The following TMCC3 variants were observed in gnomAD, a reference collection of about 807,000 sequenced individuals.
TMCC3 encodes transmembrane and coiled-coil domain protein 3.
A neutral mutation model predicts 40.2 loss-of-function variants in TMCC3; 28 were observed. That is an observed-to-expected ratio of 0.70 (90% CI 0.52 to 0.95). The LOEUF is 0.95. Ranked by LOEUF, TMCC3 falls within the 40% of genes least tolerant of loss-of-function variation. TMCC3 has a pLI of 0.00. For synonymous variants in TMCC3, 255 were observed against 248.5 expected, an observed-to-expected ratio of 1.03 and a Z score of -0.25; for missense variants, 554 against 615.2, an observed-to-expected ratio of 0.90 and a Z score of 1.05.
At chr12:94,621,447 TCTTATGTCCA>T (rs2068875395) in intron 1 of TMCC3, among the ~76,000 whole-genome samples, 1 of 152,162 alleles carries the variant, frequency 6.6e-6, no homozygotes, top group African/African-American at 2.4e-5. Flanking sequence ...TCCACCCCAT[TCTTATGTCCA>T]AGTAGTTTGA....
intron 1 of TMCC3, among the ~76,000 whole-genome samples, chr12:94,594,198 AAT>A (rs59083165): frequency 0.34 from 48,577 of 144,910 alleles, 8,596 homozygotes; most frequent in African/African-American, 0.4. Flanking sequence ...TTTAAATTTA[AAT>A]ATATATATAT....
chr12:94,636,594 C>T (rs568529782), intron 1 of TMCC3, among the ~76,000 whole-genome samples: 1 of 152,262 alleles, frequency 6.6e-6, no homozygotes, highest in South Asian at 2.1e-4. Context: ...TAATTAAGGC[C>T]CCTAATCAGT....
intron 2 of TMCC3, among the ~76,000 whole-genome samples, chr12:94,581,077 T>C (rs2068598026): frequency 6.6e-6 from 1 of 152,162 alleles, no homozygotes; most frequent in Non-Finnish European, 1.5e-5. Context: ...GGACCAGAAG[T>C]GTTTCAGATT....
At chr12:94,586,345 C>T (rs1456280048) in intron 1 of TMCC3, among the ~76,000 whole-genome samples, 1 of 152,176 alleles carries the variant, frequency 6.6e-6, no homozygotes, top group African/African-American at 2.4e-5. Context: ...CAGAAGCCTC[C>T]CTTGTGCCCT....
At chr12:94,602,901 G>T (rs1179507772) in intron 1 of TMCC3, among the ~76,000 whole-genome samples, 1 of 152,112 alleles carries the variant, frequency 6.6e-6, no homozygotes, top group East Asian at 1.9e-4. Flanking sequence ...TTAGGTCCTC[G>T]TAAAGAAGCA....
Position 94,639,320 on chromosome 12 carries a change from T to C in TMCC3, c.78+11033A>G, listed in dbSNP as rs561049163. On this transcript the variant is annotated intron_variant, in intron 1 of 3. Transcript: ENST00000261226. The stretch of plus-strand genomic sequence containing the variant: ...GATGAGGCCGAGTATGGTGGCTCAC[T>C]CCTATAATCCCAGCACTTTGGGAGG... 2.0e-5 allele frequency among the ~76,000 whole-genome samples: 3 copies of C among 152,244 alleles called. No homozygotes were observed. The South Asian group carries it at 6.2e-4, about 32-fold the overall frequency.
chr12:94,643,719 G>C (rs2069003091), intron 1 of TMCC3, among the ~76,000 whole-genome samples: 1 of 152,224 alleles, frequency 6.6e-6, no homozygotes, highest in Admixed American at 6.5e-5. Context: ...ATTAGGGTAA[G>C]TGCCCAGCAG....
chr12:94,588,224 T>G (rs536720051), intron 1 of TMCC3, among the ~76,000 whole-genome samples: 3 of 152,278 alleles, frequency 2.0e-5, no homozygotes, highest in Admixed American at 1.3e-4. Flanking sequence ...CAGGACACTC[T>G]GTATTAACCC....
Position 94,581,697 on chromosome 12 carries a change from T to A in TMCC3, c.920A>T (p.Asp307Val), listed in dbSNP as rs2068602520. 6.2e-7 allele frequency: 1 copy of A among 1,614,086 alleles called. No individual in the cohort carries two copies. The highest frequency in any genetic ancestry group is 1.3e-5 in the African/African-American group (1 of 74,950). Residue 307 changes from aspartate (D) to valine (V), a missense_variant, in exon 2 of 4, where the codon GAC becomes GTC. Physicochemically the swap from Asp to Val is radical, Grantham distance 152 (BLOSUM62 -3). Coordinates refer to ENST00000261226, the MANE Select transcript of TMCC3 (RefSeq NM_020698.4). ...AAACTGCACCTTCAGTGCCTCGATG[T>A]CCTCAGCCAGCTGAGCTTGGGTATC... Reference protein sequence around the residue: ...IKDTQAQLAEDIEALKVQFKR... With the variant: ...IKDTQAQLAEVIEALKVQFKR...
At chr12:94,638,991 C>T (rs2068975067) in intron 1 of TMCC3, among the ~76,000 whole-genome samples, 1 of 115,020 alleles carries the variant, frequency 8.7e-6, no homozygotes, top group Admixed American at 8.3e-5. Context: ...TTAGGTTCAA[C>T]TTTACTTTAG....
chr12:94,597,306 C>G (rs894142003), intron 1 of TMCC3, among the ~76,000 whole-genome samples: 1 of 151,488 alleles, frequency 6.6e-6, no homozygotes, highest in Non-Finnish European at 1.5e-5. Context: ...CAAAGCCAGA[C>G]TCTGTCTCTA....
rs185438701 is a variant in TMCC3 at position 94,571,194 on chromosome 12, C to A, written c.*241G>T. The A allele has an allele frequency of 4.0e-5, 21 of 522,846 alleles. No homozygotes were observed. The highest frequency in any genetic ancestry group is 9.5e-5 in the African/African-American group (5 of 52,608). 32.4% of individuals were successfully genotyped at this position (522,846 alleles called of 1,614,324 possible). The stretch of plus-strand genomic sequence containing the variant: ...TGGGCTGGTCAGGTGGGCAGGAAAT[C>A]GGTCTGATTAAGGCAGTGAGCAAGG... On this transcript the variant is annotated 3_prime_UTR_variant, in exon 4 of 4. Coordinates refer to ENST00000261226, the MANE Select transcript of TMCC3 (RefSeq NM_020698.4).
chr12:94,607,419 T>C (rs1169396446), intron 1 of TMCC3, among the ~76,000 whole-genome samples: 1 of 152,312 alleles, frequency 6.6e-6, no homozygotes, highest in East Asian at 1.9e-4. Flanking sequence ...AAGTGATAAA[T>C]GTCCATGAAA....
At chr12:94,637,562 A>T (rs1168050671) in intron 1 of TMCC3, among the ~76,000 whole-genome samples, 1 of 152,248 alleles carries the variant, frequency 6.6e-6, no homozygotes, top group Non-Finnish European at 1.5e-5. Flanking sequence ...TGTTCAACAC[A>T]GAGTAGGTGC....
At chr12:94,637,996 G>C (rs1202236220) in intron 1 of TMCC3, among the ~76,000 whole-genome samples, 1 of 152,130 alleles carries the variant, frequency 6.6e-6, no homozygotes, top group Non-Finnish European at 1.5e-5. Context: ...AGGCACAGAG[G>C]GAGGCATGGG....
intron 2 of TMCC3, among the ~76,000 whole-genome samples, chr12:94,580,256 CT>C (rs1229931944): frequency 6.6e-6 from 1 of 152,116 alleles, no homozygotes; most frequent in Non-Finnish European, 1.5e-5. Context: ...TATATTTGGG[CT>C]TACACACTTT....
rs547721787 is a variant in TMCC3, at chr12:94,591,080, T to A, written c.79-8542A>T. The stretch of plus-strand genomic sequence containing the variant: ...AAACAGAATATTCCAATGCTCTTTG[T>A]CCTGGGAGATGGTCGTGCTGGTTGC... On this transcript the variant is annotated intron_variant, in intron 1 of 3. Transcript: ENST00000261226. 7.6e-5 allele frequency: 38 copies of A among 502,188 alleles called. No individual in the cohort carries two copies. The East Asian group carries it at 1.9e-3, about 25-fold the overall frequency. 31.1% of individuals were successfully genotyped at this position (502,188 alleles called of 1,614,324 possible). A position where few individuals can be genotyped will look rare whatever the true frequency, so the allele number is the denominator to read the frequency against.
intron 1 of TMCC3, among the ~76,000 whole-genome samples, chr12:94,596,120 G>A (rs1051401782): frequency 6.6e-6 from 1 of 152,172 alleles, no homozygotes; most frequent in African/African-American, 2.4e-5. Flanking sequence ...GTTGATCAGG[G>A]TCCTATCCTA....
intron 1 of TMCC3, among the ~76,000 whole-genome samples, chr12:94,632,888 C>CT (rs1566335208): frequency 6.6e-6 from 1 of 152,144 alleles, no homozygotes; most frequent in Non-Finnish European, 1.5e-5. Context: ...AGGCAGATCA[C>CT]TTGAGGTCAG....
Sources: allele counts gnomAD v4.1 joint callset (sites outside exome capture counted in the v4.1 genomes callset), GRCh38; gene constraint gnomAD v4.1.1; transcripts MANE v1.5; gene names NCBI Gene and HGNC (gene_info 2026-07-23, HGNC 2026-07-21).